CORO7: variants seen among roughly 807,000 people sequenced by gnomAD.
CORO7 encodes the protein coronin-7.
Under a neutral mutation model 126.6 loss-of-function variants are expected in CORO7, and 107 were observed. The observed-to-expected ratio is 0.85, with a 90% CI of 0.72 to 0.99. The LOEUF (loss-of-function observed/expected upper bound fraction) is 0.99, where lower values mean the gene tolerates loss of function less well. Among genes scored for constraint, CORO7 ranks in the 50% least tolerant of loss-of-function variants. CORO7 has a pLI of 0.00. For synonymous variants in CORO7, 603 were observed against 536.8 expected, an observed-to-expected ratio of 1.12 and a Z score of -1.70; for missense variants, 1,314 against 1,255.8, an observed-to-expected ratio of 1.05 and a Z score of -0.70.
intron 9 of CORO7, among the ~76,000 whole-genome samples, chr16:4,385,324 C>A (rs945972556): frequency 2.6e-5 from 4 of 152,152 alleles, no homozygotes; most frequent in African/African-American, 9.7e-5. Context: ...GCACCTGCTC[C>A]CCAGCCACGG....
intron 6 of CORO7, among the ~76,000 whole-genome samples, chr16:4,403,303 T>G (rs1166139466): frequency 6.6e-6 from 1 of 152,076 alleles, no homozygotes; most frequent in East Asian, 1.9e-4. Context: ...GGGTTTCCAG[T>G]GTAGGATGCC....
At chr16:4,403,066 A>G (rs919823945) in intron 6 of CORO7, among the ~76,000 whole-genome samples, 3 of 150,526 alleles carry the variant, frequency 2.0e-5, no homozygotes, top group African/African-American at 7.3e-5. Context: ...ATGACCCCCC[A>G]CCCCCATCCC....
At chr16:4,365,182 T>C (rs1286106638) in intron 10 of CORO7, 122 bp from the exon 11 acceptor site, 13 of 1,446,006 alleles carry the variant, frequency 9.0e-6, no homozygotes, top group Non-Finnish European at 1.2e-5. Context: ...TGGCTGGAGA[T>C]GGGGCTCCCC....
At chr16:4,410,722 A>C (rs974009325) in intron 3 of CORO7, among the ~76,000 whole-genome samples, 1 of 152,196 alleles carries the variant, frequency 6.6e-6, no homozygotes, top group Admixed American at 6.5e-5. Context: ...CCCTCTATAG[A>C]GGAGAGGCCA....
chr16:4,401,547 C>G (rs2055808769), intron 6 of CORO7, among the ~76,000 whole-genome samples: 2 of 152,094 alleles, frequency 1.3e-5, no homozygotes, highest in Non-Finnish European at 1.5e-5. Context: ...AGAGGGATGG[C>G]GAGGGACAGA....
At chr16:4,407,971 C>T (rs977520421) in intron 4 of CORO7, among the ~76,000 whole-genome samples, 2 of 152,192 alleles carry the variant, frequency 1.3e-5, no homozygotes, top group Non-Finnish European at 2.9e-5. Context: ...CTGCTGTCCT[C>T]GGGCTCCAGG....
Position 4,388,827 on chromosome 16 carries a change from G to A in CORO7, c.616-196C>T, listed in dbSNP as rs140012121. On this transcript the variant is annotated intron_variant, in intron 7 of 27. Transcript: ENST00000251166. Reference sequence around the variant, plus strand: ...CCGAAGCACCCCGGGGATCAGCCCCGCCTCCGCCCCAGTTGAGGGCAGCTC... The same window carrying A: ...CCGAAGCACCCCGGGGATCAGCCCCACCTCCGCCCCAGTTGAGGGCAGCTC... Among the ~76,000 whole-genome samples the A allele has an allele frequency of 1.2e-4, 18 of 152,244 alleles. No homozygotes were observed. The East Asian group carries it at 1.9e-3, about 16-fold the overall frequency.
intron 9 of CORO7, among the ~76,000 whole-genome samples, chr16:4,367,205 C>T (rs978033278): frequency 6.6e-6 from 1 of 152,166 alleles, no homozygotes; most frequent in Non-Finnish European, 1.5e-5. Flanking sequence ...CAGGGTGAGC[C>T]GGGCTCAGCA....
intron 19 of CORO7, 48 bp from the exon 20 acceptor site, chr16:4,360,596 C>T: frequency 6.5e-7 from 1 of 1,544,428 alleles, no homozygotes. Flanking sequence ...CACTGCTGGC[C>T]CCACCTCTCC....
intron 9 of CORO7, among the ~76,000 whole-genome samples, chr16:4,366,096 C>G (rs1221273791): frequency 6.6e-6 from 1 of 152,080 alleles, no homozygotes; most frequent in Non-Finnish European, 1.5e-5. Flanking sequence ...AGCTCAGAGA[C>G]CCCCCCATGC....
intron 1 of CORO7, chr16:4,415,910 C>T: frequency 3.0e-6 from 3 of 985,868 alleles, no homozygotes; most frequent in Non-Finnish European, 3.6e-6. Context: ...AGAGCTTGCG[C>T]CAGCGGCGAG....
chr16:4,365,774 C>T (rs550551328), intron 9 of CORO7, among the ~76,000 whole-genome samples: 125 of 152,264 alleles, frequency 8.2e-4, no homozygotes, highest in African/African-American at 2.9e-3. Flanking sequence ...TGCACACCTG[C>T]GTCACTCCAG....
At chr16:4,377,870 G>A (rs1450014147) in intron 9 of CORO7, among the ~76,000 whole-genome samples, 2 of 152,098 alleles carry the variant, frequency 1.3e-5, no homozygotes, top group Admixed American at 6.5e-5. Flanking sequence ...CTGCTGGATG[G>A]TCAGCCCAGG....
At position 4,360,924 on chromosome 16, in the gene CORO7, A is replaced by G. The variant is rs765774465; in HGVS notation, c.1917+19T>C. ...CCCGCCTCTCCACACTGCTGGCCCC[A>G]CCTCTGCAGCCGTCCTACCTGGTCT... On this transcript the variant is annotated intron_variant, in intron 19 of 27. Transcript: ENST00000251166. The G allele has an allele frequency of 1.6e-5, 25 of 1,599,784 alleles. No individual in the cohort carries two copies. The highest frequency in any genetic ancestry group is 2.0e-5 in the Non-Finnish European group (23 of 1,176,804).
chr16:4,403,873 G>A (rs950871721), intron 6 of CORO7, among the ~76,000 whole-genome samples: 2 of 152,136 alleles, frequency 1.3e-5, no homozygotes, highest in African/African-American at 4.8e-5. Flanking sequence ...TGGGACGCCC[G>A]TCCCCTCCTT....
intron 9 of CORO7, among the ~76,000 whole-genome samples, chr16:4,366,663 C>G (rs1164596595): frequency 1.3e-5 from 2 of 151,858 alleles, no homozygotes; most frequent in Non-Finnish European, 2.9e-5. Flanking sequence ...CACTCAGCCT[C>G]CAGAGTAGCT....
At chr16:4,375,237 C>T (rs1003589731) in intron 9 of CORO7, among the ~76,000 whole-genome samples, 3 of 152,162 alleles carry the variant, frequency 2.0e-5, no homozygotes, top group Non-Finnish European at 2.9e-5. Flanking sequence ...ACTGAAGGCA[C>T]CCACCTGGGG....
chr16:4,383,121 C>T (rs2055061691), intron 9 of CORO7: 1 of 547,922 alleles, frequency 1.8e-6, no homozygotes, highest in Non-Finnish European at 3.2e-6. Flanking sequence ...GAACCGAGTG[C>T]CTATGAGGAC....
In CORO7 at chr16:4,355,239, C is replaced by T. The variant is rs549874011; in HGVS notation, c.2772+47G>A. ...GAGGAGGCATGCACCGTGGCATGTG[C>T]GAGGGACCGCGCTGCCTGCCGGGAA... is the stretch of plus-strand genomic sequence containing the variant. On this transcript the variant is annotated intron_variant, in intron 27 of 27. Coordinates refer to ENST00000251166, the MANE Select transcript of CORO7 (RefSeq NM_024535.5). 5.0e-6 allele frequency: 8 copies of T among 1,607,452 alleles called. No homozygotes were observed. In the East Asian group the frequency reaches 6.7e-5, roughly 13 times the overall value.
Sources: gnomAD v4.1 joint callset for allele counts (sites outside exome capture counted in the v4.1 genomes callset) on GRCh38, gnomAD v4.1.1 for gene constraint, MANE v1.5 for transcripts, NCBI Gene and HGNC (gene_info 2026-07-23, HGNC 2026-07-21) for gene names.